The following TIAM2 variants were observed in gnomAD, a reference collection of about 807,000 sequenced individuals.
TIAM2 encodes the protein TIAM Rac1 associated GEF 2, also known as rho guanine nucleotide exchange factor TIAM2.
TIAM2 carries 80 observed loss-of-function variants against 152.9 expected under a neutral mutation model. The ratio of observed to expected loss-of-function variants is 0.52; its 90% CI spans 0.44 to 0.63. The LOEUF (loss-of-function observed/expected upper bound fraction) is 0.63. Ranked by LOEUF, TIAM2 falls within the 30% of genes least tolerant of loss-of-function variation. The pLI, the probability that TIAM2 is intolerant of heterozygous loss-of-function variation, is 0.00. For synonymous variants in TIAM2, 804 were observed against 838.0 expected (o/e 0.96, Z 0.70); for missense variants, 1,965 against 2,120.1 (o/e 0.93, Z 1.44).
rs1434635105 is a variant in TIAM2, at chr6:155,056,069, A to G, written c.-208-34220A>G. Among the ~76,000 whole-genome samples, 4 of 152,034 alleles carry G rather than the reference A, an allele frequency of 2.6e-5. No individual in the cohort carries two copies. In the East Asian group the frequency reaches 5.8e-4, roughly 22 times the overall value. On this transcript the variant is annotated intron_variant, in intron 1 of 26. Transcript: ENST00000682666. ...GGTGTTTCTACTTTACAAATAGTTC[A>G]TTAAAACTACCTTTTAATTTTTTTT...
intron 1 of TIAM2, among the ~76,000 whole-genome samples, chr6:155,006,304 G>T (rs886364606): frequency 1.3e-5 from 2 of 152,064 alleles, no homozygotes; most frequent in African/African-American, 2.4e-5. Flanking sequence ...TTATAATCAG[G>T]GCAGCAGAGG....
In TIAM2 at chr6:155,070,209, C is replaced by CTTTTTTTTTTTTT. The variant is rs559307371; in HGVS notation, c.-208-20063_-208-20051dup. 5.2e-4 allele frequency among the ~76,000 whole-genome samples: 23 copies of CTTTTTTTTTTTTT among 44,146 alleles called. 7 individuals are homozygous for CTTTTTTTTTTTTT. The highest frequency in any genetic ancestry group is 2.8e-3 in the African/African-American group (23 of 8,322). 29.0% of individuals were successfully genotyped at this position (44,146 alleles called of 152,430 possible). On this transcript the variant is annotated intron_variant, in intron 1 of 26. Coordinates refer to ENST00000682666, the MANE Select transcript of TIAM2 (RefSeq NM_012454.4). ...GTATGAGCCACCGCGCCTGGCCAGA[C>CTTTTTTTTTTTTT]TTTTTTTTTTTTTTTTTTTTTTTTT... is the stretch of plus-strand genomic sequence containing the variant.
At chr6:155,035,384 C>G (rs1776904186) in intron 1 of TIAM2, among the ~76,000 whole-genome samples, 1 of 151,900 alleles carries the variant, frequency 6.6e-6, no homozygotes, top group African/African-American at 2.4e-5. Flanking sequence ...ACCATACCGG[C>G]TAATTTTTGT....
intron 1 of TIAM2, among the ~76,000 whole-genome samples, chr6:155,007,996 G>C (rs1778427054): frequency 6.6e-6 from 1 of 152,172 alleles, no homozygotes; most frequent in South Asian, 2.1e-4. Flanking sequence ...AGAGTTGGCA[G>C]CCAACAGTTG....
At chr6:155,096,009 T>G (rs1296539153) in intron 2 of TIAM2, among the ~76,000 whole-genome samples, 1 of 152,208 alleles carries the variant, frequency 6.6e-6, no homozygotes, top group Non-Finnish European at 1.5e-5. Flanking sequence ...AAACTCATTG[T>G]GTAGGTTTCT....
chr6:155,180,587 C>A (rs1400736106), intron 12 of TIAM2, among the ~76,000 whole-genome samples: 2 of 152,026 alleles, frequency 1.3e-5, no homozygotes, highest in Admixed American at 1.3e-4. Flanking sequence ...TCTTTTCTGA[C>A]CCCCATGTTA....
chr6:155,247,471 G>A (rs1299921652), intron 19 of TIAM2, among the ~76,000 whole-genome samples: 1 of 152,052 alleles, frequency 6.6e-6, no homozygotes, highest in East Asian at 1.9e-4. Flanking sequence ...TGGGATTAGA[G>A]GCGCCCACCA....
chr6:155,170,049 C>T lies in TIAM2; in HGVS notation c.2361+4640C>T, dbSNP rs563429726. ...GGCCAGGCTGGTCTTGAACTCCTGA[C>T]GTCGCGATCCACCCACCTCAGTCTC... On this transcript the variant is annotated intron_variant, in intron 9 of 26. Coordinates refer to ENST00000682666, the MANE Select transcript of TIAM2 (RefSeq NM_012454.4). 2.0e-3 allele frequency among the ~76,000 whole-genome samples: 297 copies of T among 152,158 alleles called. 1 individual carries two copies. Among genetic ancestry groups the T allele is most frequent in the African/African-American group, 6.8e-3 (284 of 41,508 alleles).
chr6:155,158,170 A>G (rs895217725), intron 7 of TIAM2, among the ~76,000 whole-genome samples: 2 of 152,166 alleles, frequency 1.3e-5, no homozygotes, highest in Non-Finnish European at 2.9e-5. Flanking sequence ...TAAATGACTA[A>G]ATGGCAGAAA....
At chr6:155,099,362 G>A (rs1184408242) in intron 2 of TIAM2, among the ~76,000 whole-genome samples, 2 of 151,984 alleles carry the variant, frequency 1.3e-5, no homozygotes, top group African/African-American at 4.8e-5. Flanking sequence ...AGGGAATTTA[G>A]ATTTGCAATG....
chr6:155,167,525 A>G (rs545411558), intron 9 of TIAM2, among the ~76,000 whole-genome samples: 18 of 152,278 alleles, frequency 1.2e-4, no homozygotes, highest in African/African-American at 3.8e-4. Flanking sequence ...ACCAGCCTGT[A>G]ATTTAATTTA....
At chr6:155,106,204 CAT>C (rs926859860) in intron 2 of TIAM2, among the ~76,000 whole-genome samples, 6 of 151,816 alleles carry the variant, frequency 4.0e-5, no homozygotes, top group African/African-American at 1.5e-4. Context: ...AGGGTTTCAC[CAT>C]ATTGGTCAGG....
chr6:155,217,960 T>C (rs899051365), intron 15 of TIAM2, among the ~76,000 whole-genome samples: 6 of 152,222 alleles, frequency 3.9e-5, no homozygotes, highest in Non-Finnish European at 7.4e-5. Flanking sequence ...TTTTGTCACA[T>C]GAATTGCTTT....
At position 155,127,499 on chromosome 6, in the gene TIAM2, A is replaced by G. The variant is rs1434159378; in HGVS notation, c.-108A>G. 11 of 450,778 alleles carry G rather than the reference A, an allele frequency of 2.4e-5. No homozygotes were observed. In the East Asian group the frequency reaches 4.2e-4, roughly 17 times the overall value. The allele number at this position is 450,778 out of a possible 1,614,324, so 27.9% of individuals were successfully genotyped here. A position where few individuals can be genotyped will look rare whatever the true frequency, so the allele number is the denominator to read the frequency against. Reference sequence around the variant, plus strand: ...CGTTTCTGTTTTTCAGGCTCACTTCATGGACTCACTTTGCGTGCTTGTTAA... The same window carrying G: ...CGTTTCTGTTTTTCAGGCTCACTTCGTGGACTCACTTTGCGTGCTTGTTAA... On this transcript the variant is annotated 5_prime_UTR_variant, in exon 3 of 27. The change abolishes an upstream ATG in the 5' untranslated region. Coordinates refer to ENST00000682666, the MANE Select transcript of TIAM2 (RefSeq NM_012454.4).
intron 12 of TIAM2, among the ~76,000 whole-genome samples, chr6:155,180,661 G>A (rs750154634): frequency 7.9e-5 from 12 of 151,984 alleles, no homozygotes; most frequent in Non-Finnish European, 1.8e-4. Context: ...GGAGTGCAGT[G>A]GCATGATCTC....
At chr6:155,059,327 C>CGTGTGTGT (rs1554227494) in intron 1 of TIAM2, among the ~76,000 whole-genome samples, 6 of 78,076 alleles carry the variant, frequency 7.7e-5, no homozygotes, top group Non-Finnish European at 1.4e-4. Flanking sequence ...TGTGTGTGTG[C>CGTGTGTGT]GCGTGTATGT....
intron 13 of TIAM2, 67 bp downstream of exon 13, chr6:155,182,385 G>A: frequency 7.6e-7 from 1 of 1,311,280 alleles, no homozygotes; most frequent in Non-Finnish European, 1.1e-6. Context: ...TCTGGCTAGT[G>A]AATGTTTCTT....
chr6:155,073,378 G>T (rs1777884939), intron 1 of TIAM2, among the ~76,000 whole-genome samples: 1 of 151,986 alleles, frequency 6.6e-6, no homozygotes, highest in African/African-American at 2.4e-5. Flanking sequence ...GGCCAGGCTG[G>T]TCTCTAACTC....
Position 155,130,388 on chromosome 6 carries a change from A to C in TIAM2, c.1165A>C (p.Ser389Arg), listed in dbSNP as rs754644828. The C allele has an allele frequency of 2.0e-5, 33 of 1,613,886 alleles. No homozygotes were observed. In the Admixed American group the frequency reaches 5.5e-4, roughly 27 times the overall value. The change falls in exon 4 of 27, where the codon AGC (serine) becomes CGC (arginine). Residue 389 changes from serine (S) to arginine (R), a missense_variant. Coordinates refer to ENST00000682666, the MANE Select transcript of TIAM2 (RefSeq NM_012454.4). The part of the protein sequence containing the change: ...RMRRISDWTG[S>R]LSRKKRKLQE... ...GCGACGGATCAGTGACTGGACGGGAAGCCTCTCAAGGAAGAAAAGGAAACT... is the reference window on the plus strand; with the variant it reads ...GCGACGGATCAGTGACTGGACGGGACGCCTCTCAAGGAAGAAAAGGAAACT...
Sources: gnomAD v4.1 joint callset for allele counts (sites outside exome capture counted in the v4.1 genomes callset) on GRCh38, gnomAD v4.1.1 for gene constraint, MANE v1.5 for transcripts, NCBI Gene and HGNC (gene_info 2026-07-23, HGNC 2026-07-21) for gene names.